The following KIF5C variants were observed in gnomAD, a reference collection of about 807,000 sequenced individuals.
KIF5C encodes the protein kinesin family member 5C.
Under a neutral mutation model 125.2 loss-of-function variants are expected in KIF5C, and 18 were observed. The observed-to-expected ratio is 0.14, with a 90% CI of 0.10 to 0.21. The LOEUF is 0.21. Among genes scored for constraint, KIF5C ranks in the 10% least tolerant of loss-of-function variants. KIF5C has a pLI of 1.00. For missense variants in KIF5C, 780 were observed against 1,183.8 expected (o/e 0.66, Z 5.01); for synonymous variants, 405 against 434.0 (o/e 0.93, Z 0.83).
chr2:148,962,745 C>G (rs78836195), intron 11 of KIF5C, among the ~76,000 whole-genome samples: 1 of 152,150 alleles, frequency 6.6e-6, no homozygotes, highest in Admixed American at 6.5e-5. Context: ...GCTGGTACCC[C>G]TATTTGTAGG....
At chr2:148,939,192 A>G (rs1682355760) in intron 4 of KIF5C, among the ~76,000 whole-genome samples, 1 of 152,122 alleles carries the variant, frequency 6.6e-6, no homozygotes, top group African/African-American at 2.4e-5. Context: ...GACCAACCGC[A>G]CATGCGATAC....
intron 1 of KIF5C, among the ~76,000 whole-genome samples, chr2:148,894,571 C>A (rs1433474043): frequency 6.6e-6 from 1 of 152,088 alleles, no homozygotes; most frequent in African/African-American, 2.4e-5. Context: ...ATGTCTGTTT[C>A]CTGGTGTTTT....
At position 148,928,443 on chromosome 2, in the gene KIF5C, G is replaced by T. The variant is rs1286977787; in HGVS notation, c.218-838G>T. ...GAGGATGAAGGAGGAAAGCAGGAGAGAAATGAGTGCTAAATATATTTTAAT... is the reference window on the plus strand; with the variant it reads ...GAGGATGAAGGAGGAAAGCAGGAGATAAATGAGTGCTAAATATATTTTAAT... On this transcript the variant is annotated intron_variant, in intron 2 of 25. Transcript: ENST00000435030. Among the ~76,000 whole-genome samples the T allele has an allele frequency of 3.3e-5, 5 of 152,232 alleles. No individual in the cohort carries two copies. In the East Asian group the frequency reaches 9.6e-4, roughly 29 times the overall value.
At chr2:149,007,499 C>T (rs1322694585) in intron 22 of KIF5C, among the ~76,000 whole-genome samples, 1 of 152,092 alleles carries the variant, frequency 6.6e-6, no homozygotes, top group African/African-American at 2.4e-5. Context: ...CAAGCAGAGG[C>T]CATTAAGACT....
intron 1 of KIF5C, among the ~76,000 whole-genome samples, chr2:148,887,473 G>A (rs949463964): frequency 1.3e-5 from 2 of 151,856 alleles, no homozygotes; most frequent in African/African-American, 2.4e-5. Flanking sequence ...CAAGATCCCC[G>A]CTATCAATAA....
intron 12 of KIF5C, among the ~76,000 whole-genome samples, chr2:148,977,027 A>G (rs1234946524): frequency 2.0e-5 from 3 of 152,252 alleles, no homozygotes; most frequent in African/African-American, 7.2e-5. Context: ...TTGAATGTGT[A>G]GATATAAGCA....
intron 11 of KIF5C, among the ~76,000 whole-genome samples, chr2:148,971,721 G>A (rs192924327): frequency 9.9e-5 from 15 of 152,182 alleles, no homozygotes; most frequent in African/African-American, 3.6e-4. Context: ...GAAAGCATTG[G>A]GTGTTAATTT....
At chr2:148,946,690 T>A (rs900805575) in intron 7 of KIF5C, among the ~76,000 whole-genome samples, 3 of 152,238 alleles carry the variant, frequency 2.0e-5, no homozygotes, top group Non-Finnish European at 2.9e-5. Flanking sequence ...TTAACTTCTT[T>A]GCTCCTTGAA....
intron 21 of KIF5C, among the ~76,000 whole-genome samples, chr2:149,001,697 T>A (rs1008661321): frequency 6.6e-6 from 1 of 152,240 alleles, no homozygotes; most frequent in Non-Finnish European, 1.5e-5. Flanking sequence ...CCCCACAGCC[T>A]GCGCTTTAAG....
intron 16 of KIF5C, among the ~76,000 whole-genome samples, chr2:148,992,621 A>C (rs1226846043): frequency 6.6e-6 from 1 of 152,228 alleles, no homozygotes; most frequent in Non-Finnish European, 1.5e-5. Context: ...GGAAAGTCTA[A>C]TGGTATAAAG....
At chr2:148,977,500 G>A (rs939267728) in intron 12 of KIF5C, among the ~76,000 whole-genome samples, 5 of 152,174 alleles carry the variant, frequency 3.3e-5, no homozygotes, top group South Asian at 2.1e-4. Flanking sequence ...GGTAACTGAC[G>A]TGCTAAGTTT....
chr2:148,996,037 C>T (rs1488409596), intron 17 of KIF5C, among the ~76,000 whole-genome samples: 3 of 152,086 alleles, frequency 2.0e-5, no homozygotes, highest in Non-Finnish European at 4.4e-5. Flanking sequence ...CGCCTGTAAT[C>T]CCAGCTACTC....
intron 10 of KIF5C, among the ~76,000 whole-genome samples, chr2:148,955,228 A>G (rs1193978157): frequency 6.6e-6 from 1 of 152,170 alleles, no homozygotes; most frequent in Non-Finnish European, 1.5e-5. Context: ...TTGGAAGGTT[A>G]GTTTCTGATT....
chr2:148,922,069 G>A (rs1195026967), intron 1 of KIF5C, 68 bp from the exon 2 acceptor site: 13 of 1,108,966 alleles, frequency 1.2e-5, no homozygotes, highest in South Asian at 8.7e-5. Flanking sequence ...TAATGTTTGC[G>A]ATTTTTTATT....
At chr2:148,892,678 T>C (rs1299793401) in intron 1 of KIF5C, among the ~76,000 whole-genome samples, 1 of 152,254 alleles carries the variant, frequency 6.6e-6, no homozygotes, top group Non-Finnish European at 1.5e-5. Flanking sequence ...GCTACACTTA[T>C]GAATGTTTAG....
intron 10 of KIF5C, among the ~76,000 whole-genome samples, chr2:148,952,838 T>C (rs1432818980): frequency 1.3e-5 from 2 of 152,216 alleles, no homozygotes; most frequent in Non-Finnish European, 2.9e-5. Context: ...CTATCGGTGA[T>C]TGCAAGTTCT....
At chr2:148,923,730 T>G (rs1681883486) in intron 2 of KIF5C, among the ~76,000 whole-genome samples, 1 of 152,210 alleles carries the variant, frequency 6.6e-6, no homozygotes, top group African/African-American at 2.4e-5. Context: ...GAGGGCCATT[T>G]AAATACATCC....
At chr2:148,934,838 TCA>T (rs1682259167) in intron 3 of KIF5C, among the ~76,000 whole-genome samples, 1 of 151,106 alleles carries the variant, frequency 6.6e-6, no homozygotes, top group South Asian at 2.1e-4. Flanking sequence ...CACACGTATA[TCA>T]CACACAGACA....
At chr2:148,962,169 A>G (rs1013835262) in intron 11 of KIF5C, 50 bp downstream of exon 11, 4 of 1,503,528 alleles carry the variant, frequency 2.7e-6, no homozygotes, top group South Asian at 2.7e-5. Flanking sequence ...TGCTTTTTTT[A>G]TTTTTATTTT....
Sources: allele counts gnomAD v4.1 joint callset (sites outside exome capture counted in the v4.1 genomes callset), GRCh38; gene constraint gnomAD v4.1.1; transcripts MANE v1.5; gene names NCBI Gene and HGNC (gene_info 2026-07-23, HGNC 2026-07-21).